SMARCAL1: variants seen among roughly 807,000 people sequenced by gnomAD.
The protein encoded by SMARCAL1 is SNF2 related chromatin remodeling annealing helicase 1.
In SMARCAL1, 58 loss-of-function variants were observed where a neutral mutation model predicts 94.5. That is an observed-to-expected ratio of 0.61 (90% confidence interval 0.50 to 0.76). The LOEUF (loss-of-function observed/expected upper bound fraction) is 0.76, where lower values mean the gene tolerates loss of function less well. Ranked by LOEUF, SMARCAL1 falls within the 30% of genes least tolerant of loss-of-function variation. SMARCAL1 has a pLI of 0.00. For synonymous variants in SMARCAL1, 422 were observed against 455.1 expected (o/e 0.93, Z 0.93); for missense variants, 1,051 against 1,177.9 (o/e 0.89, Z 1.58).
At chr2:216,451,313 C>G (rs572436706) in intron 12 of SMARCAL1, 12 of 500,966 alleles carry the variant, frequency 2.4e-5, no homozygotes, top group Admixed American at 9.6e-5. Context: ...AAGATAAGCA[C>G]AGGCAACAGC....
chr2:216,427,855 T>G (rs548347583), intron 6 of SMARCAL1, among the ~76,000 whole-genome samples: 23 of 152,326 alleles, frequency 1.5e-4, no homozygotes, highest in Non-Finnish European at 2.5e-4. Flanking sequence ...AGAAAACATA[T>G]GATCACACAT....
chr2:216,444,461 C>T (rs1310157946), intron 10 of SMARCAL1, among the ~76,000 whole-genome samples: 2 of 151,620 alleles, frequency 1.3e-5, no homozygotes, highest in Admixed American at 6.6e-5. Flanking sequence ...CTTAAGACTT[C>T]AGCTCTTTTT....
chr2:216,428,067 T>C (rs1693876812), intron 6 of SMARCAL1, among the ~76,000 whole-genome samples: 1 of 152,176 alleles, frequency 6.6e-6, no homozygotes, highest in African/African-American at 2.4e-5. Context: ...CTGTAAATAA[T>C]GGCTACTCTT....
At chr2:216,457,141 A>C (rs1403495516) in intron 12 of SMARCAL1, among the ~76,000 whole-genome samples, 1 of 152,236 alleles carries the variant, frequency 6.6e-6, no homozygotes, top group African/African-American at 2.4e-5. Context: ...AGAGCTAACT[A>C]TCCTAAATAT....
chr2:216,434,383 T>G (rs942152831), intron 8 of SMARCAL1, among the ~76,000 whole-genome samples: 32 of 152,178 alleles, frequency 2.1e-4, no homozygotes, highest in African/African-American at 7.5e-4. Context: ...CTCGTCATCA[T>G]CAATAAATGT....
intron 17 of SMARCAL1, chr2:216,479,320 C>T (rs1340173558): frequency 1.3e-5 from 2 of 151,828 alleles, no homozygotes; most frequent in African/African-American, 2.4e-5. Flanking sequence ...ACCTGTAGTC[C>T]CAGCTACTCC....
intron 10 of SMARCAL1, among the ~76,000 whole-genome samples, chr2:216,443,219 T>G (rs955864808): frequency 6.6e-6 from 1 of 151,958 alleles, no homozygotes; most frequent in African/African-American, 2.4e-5. Flanking sequence ...TCTACAAAAT[T>G]AACTGGGATT....
chr2:216,425,788 C>G (rs1410290234), intron 6 of SMARCAL1, among the ~76,000 whole-genome samples: 1 of 152,064 alleles, frequency 6.6e-6, no homozygotes, highest in Non-Finnish European at 1.5e-5. Flanking sequence ...GGTGTGTGTG[C>G]TGATTGGTCC....
rs767552826 is a variant in SMARCAL1 at position 216,477,175 on chromosome 2, C to G, written c.2494C>G (p.Leu832Val). 1.6e-5 allele frequency: 25 copies of G among 1,598,466 alleles called. No individual in the cohort carries two copies. The South Asian group carries it at 2.8e-4, about 18-fold the overall frequency. ...GACCAGCTCCGTGGGCATTCACTAC[C>G]TCGTGGCAAAGGGCACAGCTGATGA... ...GQTSSVGIHY[L>V]VAKGTADDYL... The change falls in exon 16 of 18, where the codon CTC (leucine) becomes GTC (valine). Residue 832 changes from leucine to valine, a missense_variant. Physicochemically the swap from Leu to Val is conservative, Grantham distance 32 (BLOSUM62 1). Coordinates refer to ENST00000357276, the MANE Select transcript of SMARCAL1 (RefSeq NM_014140.4).
At chr2:216,434,215 C>T (rs532238831) in intron 8 of SMARCAL1, among the ~76,000 whole-genome samples, 1 of 152,142 alleles carries the variant, frequency 6.6e-6, no homozygotes, top group Admixed American at 6.5e-5. Flanking sequence ...CAGACGGTGA[C>T]CAGCCTGAGG....
At position 216,416,267 on chromosome 2, in the gene SMARCAL1, C is replaced by T. The variant is rs1384351863; in HGVS notation, c.822C>T (p.Thr274=). The T allele has an allele frequency of 1.2e-6, 2 of 1,613,532 alleles. No homozygotes were observed. Among genetic ancestry groups the T allele is most frequent in the African/African-American group, 1.3e-5 (1 of 74,890 alleles). ...TLPSKNYDPD[T]KTWNFSMNDY... ...TCTGTTTTGTTTCAGATCCTGACAC[C>T]AAGACGTGGAACTTCAGCATGAATG... is the stretch of plus-strand genomic sequence containing the variant. Residue 274 remains threonine (T), a synonymous_variant, in exon 4 of 18, where the codon ACC becomes ACT. Coordinates refer to ENST00000357276, the MANE Select transcript of SMARCAL1 (RefSeq NM_014140.4).
intron 10 of SMARCAL1, among the ~76,000 whole-genome samples, chr2:216,439,393 T>C (rs1347682085): frequency 6.6e-6 from 1 of 152,146 alleles, no homozygotes; most frequent in Middle Eastern, 3.2e-3. Flanking sequence ...AAAAGTAGCC[T>C]TTTCTCTTGT....
rs779825230 is a variant in SMARCAL1 at position 216,416,347 on chromosome 2, G to A, written c.862+40G>A. 1.2e-5 allele frequency: 18 copies of A among 1,546,868 alleles called. No homozygotes were observed. In the East Asian group the frequency reaches 3.1e-4, roughly 27 times the overall value. ...GGTTGTCTCATGGAGGGTGGCACTG[G>A]TGCTGAAAATCTTTAGAGTATCACA... On this transcript the variant is annotated intron_variant, in intron 4 of 17. Coordinates refer to ENST00000357276, the MANE Select transcript of SMARCAL1 (RefSeq NM_014140.4).
chr2:216,467,470 C>CA (rs34678979), intron 13 of SMARCAL1, among the ~76,000 whole-genome samples: 4,985 of 43,644 alleles, frequency 0.11, 374 homozygotes, highest in African/African-American at 0.22. Flanking sequence ...AACTCAGTCT[C>CA]AAAAAAAAAA....
intron 12 of SMARCAL1, among the ~76,000 whole-genome samples, chr2:216,459,233 C>T (rs533435233): frequency 5.3e-5 from 8 of 152,192 alleles, no homozygotes; most frequent in African/African-American, 9.6e-5. Context: ...TAGGAGGAAT[C>T]GATATCATGA....
At position 216,447,038 on chromosome 2, in the gene SMARCAL1, G is replaced by A; in HGVS notation, c.1731G>A (p.Leu577=). The change falls in exon 11 of 18, where the codon CTG becomes CTA. Residue 577 remains leucine (L), a synonymous_variant. Coordinates refer to ENST00000357276, the MANE Select transcript of SMARCAL1 (RefSeq NM_014140.4). ...PVLKVAKRVI[L]LSGTPAMSRP... is the part of the protein sequence containing the mutation. The stretch of plus-strand genomic sequence containing the variant: ...TTTAGGTTGCCAAGAGGGTGATCCT[G>A]TTGTCGGGCACACCAGCCATGTCCC... The A allele has an allele frequency of 1.9e-6, 3 of 1,613,964 alleles. No individual in the cohort carries two copies. Among genetic ancestry groups the A allele is most frequent in the South Asian group, 1.1e-5 (1 of 91,074 alleles).
intron 12 of SMARCAL1, among the ~76,000 whole-genome samples, chr2:216,461,109 T>C (rs1291165608): frequency 6.6e-6 from 1 of 151,702 alleles, no homozygotes; most frequent in Non-Finnish European, 1.5e-5. Context: ...TGTGTATGTG[T>C]ATAAAGACCT....
intron 12 of SMARCAL1, among the ~76,000 whole-genome samples, chr2:216,462,506 C>T (rs976927385): frequency 6.6e-6 from 1 of 152,102 alleles, no homozygotes; most frequent in Non-Finnish European, 1.5e-5. Context: ...GCTCACTAGC[C>T]ACAGGTGAAA....
chr2:216,419,996 T>A (rs1693678942), intron 4 of SMARCAL1, among the ~76,000 whole-genome samples: 2 of 117,568 alleles, frequency 1.7e-5, no homozygotes, highest in South Asian at 5.5e-4. Flanking sequence ...GGCACTGCAC[T>A]CCAGCCTAGG....
Sources: gnomAD v4.1 joint callset for allele counts (sites outside exome capture counted in the v4.1 genomes callset) on GRCh38, gnomAD v4.1.1 for gene constraint, MANE v1.5 for transcripts, NCBI Gene and HGNC (gene_info 2026-07-23, HGNC 2026-07-21) for gene names.